The following PVT1 variants were observed in gnomAD, a reference collection of about 807,000 sequenced individuals.
The protein encoded by PVT1 is CXCR4/PVT1 fusion.
chr8:128,011,273 G>C (rs1464083796), intron 4 of PVT1, among the ~76,000 whole-genome samples: 2 of 152,140 alleles, frequency 1.3e-5, no homozygotes, highest in South Asian at 2.1e-4. Flanking sequence ...TTGTGGGGGA[G>C]TGTTATGGAC....
chr8:127,919,782 G>A (rs1816035104), intron 3 of PVT1, among the ~76,000 whole-genome samples: 1 of 152,180 alleles, frequency 6.6e-6, no homozygotes, highest in Non-Finnish European at 1.5e-5. Flanking sequence ...GAAGTGGAAG[G>A]AAAGCCTCCA....
chr8:127,925,715 C>T (rs35140021), intron 3 of PVT1, among the ~76,000 whole-genome samples: 2,661 of 152,176 alleles, frequency 0.017, 41 homozygotes, highest in Middle Eastern at 0.041. Context: ...CATCTCGGCT[C>T]ACCGCAACCT....
intron 2 of PVT1, among the ~76,000 whole-genome samples, chr8:127,846,282 G>A (rs16902434): frequency 0.46 from 70,146 of 152,056 alleles, 16,777 homozygotes; most frequent in Admixed American, 0.59. Context: ...CTTTTGTTGA[G>A]TCCCTGGTGG....
At chr8:127,933,474 G>A (rs1175893389) in intron 3 of PVT1, among the ~76,000 whole-genome samples, 2 of 152,216 alleles carry the variant, frequency 1.3e-5, no homozygotes, top group African/African-American at 4.8e-5. Context: ...TTCCCATGGA[G>A]AGAGGCACAA....
chr8:127,991,076 T>C (rs937359361), intron 4 of PVT1, among the ~76,000 whole-genome samples: 2 of 152,198 alleles, frequency 1.3e-5, no homozygotes, highest in Non-Finnish European at 2.9e-5. Flanking sequence ...GCTACTGCAA[T>C]GTATGTCTAC....
chr8:127,984,755 C>T (rs1016912922), intron 3 of PVT1, among the ~76,000 whole-genome samples: 3 of 152,084 alleles, frequency 2.0e-5, no homozygotes, highest in African/African-American at 4.8e-5. Context: ...TACAGGCATA[C>T]GCCACCATGC....
intron 3 of PVT1, among the ~76,000 whole-genome samples, chr8:127,944,498 G>A (rs1449493272): frequency 2.0e-5 from 3 of 152,062 alleles, no homozygotes; most frequent in East Asian, 1.9e-4. Context: ...TGTGCTACTG[G>A]CTGTGCTGCC....
intron 2 of PVT1, among the ~76,000 whole-genome samples, chr8:127,878,497 C>G (rs1010043452): frequency 6.6e-6 from 1 of 152,234 alleles, no homozygotes; most frequent in Non-Finnish European, 1.5e-5. Flanking sequence ...GCCTGTTTGT[C>G]TCTGAAGCGT....
intron 3 of PVT1, among the ~76,000 whole-genome samples, chr8:127,927,982 G>T (rs1816152125): frequency 6.6e-6 from 1 of 152,218 alleles, no homozygotes; most frequent in Non-Finnish European, 1.5e-5. Context: ...GTCCCCTCTG[G>T]CTGCCTTGCC....
At chr8:127,948,084 CCAGCCCCGGT>C (rs765799650) in intron 3 of PVT1, 6 of 378,174 alleles carry the variant, frequency 1.6e-5, no homozygotes, top group African/African-American at 6.4e-5. Context: ...CTTTCTTCTG[CCAGCCCCGGT>C]CAGCCTGCCT....
At chr8:127,816,444 G>A (rs1352301728) in intron 2 of PVT1, among the ~76,000 whole-genome samples, 1 of 151,262 alleles carries the variant, frequency 6.6e-6, no homozygotes, top group East Asian at 1.9e-4. Flanking sequence ...CGCTATGCCA[G>A]GCCAACTCTT....
rs188333938 is a variant in PVT1 at position 127,832,591 on chromosome 8, G to C, written n.372+36520G>C. 2.0e-3 allele frequency among the ~76,000 whole-genome samples: 301 copies of C among 152,368 alleles called. 1 individual carries two copies. The highest frequency in any genetic ancestry group is 3.4e-3 in the Non-Finnish European group (232 of 68,034). ...TTCATGCACATGGCCGGGTGTGGTG[G>C]CTCACGCCTGTAATCCCAGCACTTT... On this transcript the variant is annotated intron_variant and non_coding_transcript_variant, in intron 2 of 10. Transcript: ENST00000651587.
At chr8:127,816,715 G>C (rs1223829065) in intron 2 of PVT1, among the ~76,000 whole-genome samples, 1 of 152,058 alleles carries the variant, frequency 6.6e-6, no homozygotes, top group Non-Finnish European at 1.5e-5. Flanking sequence ...GTAGAGATGA[G>C]GTTTCACCAT....
intron 3 of PVT1, among the ~76,000 whole-genome samples, chr8:127,903,534 G>A (rs1458411743): frequency 2.0e-5 from 3 of 152,038 alleles, no homozygotes; most frequent in East Asian, 1.9e-4. Flanking sequence ...GTATTTCCTC[G>A]GTTTTCTTCT....
chr8:127,952,085 A>G (rs1816512077), intron 3 of PVT1, among the ~76,000 whole-genome samples: 1 of 152,172 alleles, frequency 6.6e-6, no homozygotes, highest in Non-Finnish European at 1.5e-5. Context: ...AAGTGCTGAG[A>G]TTACAGACGT....
At chr8:128,094,922 A>G (rs1431677503) in intron 5 of PVT1, among the ~76,000 whole-genome samples, 4 of 151,972 alleles carry the variant, frequency 2.6e-5, no homozygotes, top group African/African-American at 4.8e-5. Flanking sequence ...GTTTAAATCC[A>G]TTGCGTCTTT....
intron 2 of PVT1, among the ~76,000 whole-genome samples, chr8:127,827,175 A>C (rs984123050): frequency 5.9e-5 from 9 of 151,644 alleles, no homozygotes; most frequent in African/African-American, 2.2e-4. Flanking sequence ...TTGTGTTTTT[A>C]GTAGGGACGG....
In PVT1 at chr8:128,087,610, C is replaced by T. The variant is rs557646985; in HGVS notation, n.1115-8908C>T. ...CTTAAGCATAACTAAGGGCCCACAT[C>T]GTTTTCCAACCCAAAGAATGCCAGG... On this transcript the variant is annotated intron_variant and non_coding_transcript_variant, in intron 5 of 10. Coordinates refer to ENST00000651587, the Ensembl canonical transcript of PVT1. 1.4e-4 allele frequency among the ~76,000 whole-genome samples: 21 copies of T among 152,272 alleles called. No homozygotes were observed. In the South Asian group the frequency reaches 4.4e-3, roughly 32 times the overall value.
intron 2 of PVT1, among the ~76,000 whole-genome samples, chr8:127,839,239 C>A (rs1266497367): frequency 6.6e-6 from 1 of 152,102 alleles, no homozygotes; most frequent in Non-Finnish European, 1.5e-5. Flanking sequence ...TAACTTGGCC[C>A]AAGGTCACCC....
Sources: allele counts gnomAD v4.1 joint callset (sites outside exome capture counted in the v4.1 genomes callset), GRCh38; gene constraint gnomAD v4.1.1; transcripts MANE v1.5; gene names NCBI Gene and HGNC (gene_info 2026-07-23, HGNC 2026-07-21).